DCDC1: variants seen among roughly 807,000 people sequenced by gnomAD.
The protein encoded by DCDC1 is doublecortin domain containing 1.
Under a neutral mutation model 178.3 loss-of-function variants are expected in DCDC1, and 200 were observed. The ratio of observed to expected loss-of-function variants is 1.12; its 90% confidence interval spans 1.00 to 1.26. DCDC1 has a LOEUF of 1.26. Among genes scored for constraint, DCDC1 ranks in the 50% most tolerant of loss-of-function variants. The probability of loss-of-function intolerance (pLI) is 0.00; values close to 1 mark genes in which losing one functional copy is unlikely to be tolerated. For missense variants in DCDC1, 1,983 were observed against 1,749.2 expected (o/e 1.13, Z -2.38); for synonymous variants, 690 against 604.8 (o/e 1.14, Z -2.07).
Position 30,881,317 on chromosome 11 carries a change from C to G in DCDC1, c.5083-9G>C. On this transcript the variant is annotated splice_polypyrimidine_tract_variant and intron_variant, in intron 36 of 38. Coordinates refer to ENST00000684477, the MANE Select transcript of DCDC1 (RefSeq NM_001387274.1). ...GAGCAGTCTTGCAGCAGCTGAGACA[C>G]AGAGGGACAGCCACATTTGAATACG... 6.2e-7 allele frequency: 1 copy of G among 1,612,150 alleles called. No homozygotes were observed. Among genetic ancestry groups the G allele is most frequent in the Non-Finnish European group, 8.5e-7 (1 of 1,179,088 alleles).
At chr11:31,359,046 A>T (rs1289816480) in intron 1 of DCDC1, among the ~76,000 whole-genome samples, 1 of 152,152 alleles carries the variant, frequency 6.6e-6, no homozygotes, top group African/African-American at 2.4e-5. Flanking sequence ...GGGATCTGGA[A>T]CTAGAAATAC....
At chr11:31,053,451 G>C (rs536038390) in intron 20 of DCDC1, among the ~76,000 whole-genome samples, 1 of 151,996 alleles carries the variant, frequency 6.6e-6, no homozygotes, top group Admixed American at 6.6e-5. Context: ...AAGATGGAGA[G>C]AGAAGGAACT....
intron 9 of DCDC1, among the ~76,000 whole-genome samples, chr11:31,185,135 C>T (rs1969319183): frequency 6.6e-6 from 1 of 152,224 alleles, no homozygotes; most frequent in Non-Finnish European, 1.5e-5. Context: ...TGGAAACCAT[C>T]ATTCTCAGCA....
intron 20 of DCDC1, among the ~76,000 whole-genome samples, chr11:31,038,514 G>A (rs1292817739): frequency 6.6e-6 from 1 of 152,114 alleles, no homozygotes; most frequent in East Asian, 1.9e-4. Context: ...AAAATAATTT[G>A]TGCTATGGAT....
chr11:31,275,564 G>T (rs376895829), intron 7 of DCDC1, among the ~76,000 whole-genome samples: 15 of 152,096 alleles, frequency 9.9e-5, no homozygotes, highest in African/African-American at 3.6e-4. Flanking sequence ...GAGTGCAATG[G>T]CTTGATCTCG....
chr11:31,125,691 T>A (rs1961505114), intron 11 of DCDC1, among the ~76,000 whole-genome samples: 2 of 152,062 alleles, frequency 1.3e-5, no homozygotes, highest in Admixed American at 1.3e-4. Context: ...AACCAAACAC[T>A]GTATATTCTC....
chr11:30,869,102 G>A (rs1941296103), intron 38 of DCDC1, among the ~76,000 whole-genome samples: 1 of 152,206 alleles, frequency 6.6e-6, no homozygotes, highest in African/African-American at 2.4e-5. Flanking sequence ...GGGTCTGTCT[G>A]GTCTCTGATG....
intron 9 of DCDC1, among the ~76,000 whole-genome samples, chr11:31,213,163 GCTTT>G (rs1972973205): frequency 1.4e-5 from 1 of 73,856 alleles, no homozygotes; most frequent in Non-Finnish European, 2.5e-5. Context: ...CTCTCTCTCT[GCTTT>G]CTTTACCAGG....
At chr11:31,211,225 C>T (rs541542091) in intron 9 of DCDC1, among the ~76,000 whole-genome samples, 38 of 152,256 alleles carry the variant, frequency 2.5e-4, no homozygotes, top group South Asian at 2.5e-3. Context: ...TTCAAACTAT[C>T]CTAACCATAA....
Position 30,947,968 on chromosome 11 carries a change from T to G in DCDC1, c.2715+4477A>C, listed in dbSNP as rs568855552. Among the ~76,000 whole-genome samples, 3 of 152,190 alleles carry G rather than the reference T, an allele frequency of 2.0e-5. No individual in the cohort carries two copies. In the East Asian group the frequency reaches 5.8e-4, roughly 29 times the overall value. Reference sequence around the variant, plus strand: ...AGACAAGTATGCCCTCTCTCACCACTCCTATTCAACATAGTATTGGAAGTG... The same window carrying G: ...AGACAAGTATGCCCTCTCTCACCACGCCTATTCAACATAGTATTGGAAGTG... On this transcript the variant is annotated intron_variant, in intron 21 of 38. Transcript: ENST00000684477.
rs756495547 is a variant in DCDC1, at chr11:30,920,906, C to A, written c.3163G>T (p.Val1055Leu). 1.2e-6 allele frequency: 2 copies of A among 1,612,456 alleles called. No homozygotes were observed. The highest frequency in any genetic ancestry group is 1.7e-6 in the Non-Finnish European group (2 of 1,179,170). Residue 1055 changes from valine (V) to leucine (L), a missense_variant, in exon 25 of 39, where the codon GTA (valine) becomes TTA (leucine). By Grantham distance (32) the Val-to-Leu change is conservative (BLOSUM62 1). Transcript: ENST00000684477. Reference protein sequence around the residue: ...ALVLEVQSDIVSGSKLAVHKP... With the variant: ...ALVLEVQSDILSGSKLAVHKP... ...TGCACAGCAAGCTTGCTTCCAGATA[C>A]AATGTCACTTTGGACTTCTAAAACA...
At chr11:30,965,742 C>T (rs1949394570) in intron 20 of DCDC1, among the ~76,000 whole-genome samples, 1 of 137,892 alleles carries the variant, frequency 7.3e-6, no homozygotes, top group South Asian at 2.5e-4. Context: ...CCAATGCTAT[C>T]CCTTCCCCCT....
At position 30,903,581 on chromosome 11, in the gene DCDC1, A is replaced by G. The variant is rs530429849; in HGVS notation, c.4411T>C (p.Trp1471Arg). ...TGGAGAAAGGATTCATCTAGAGCCC[A>G]TAAAACCAAATCACGCAAGGTAAAG... is the stretch of plus-strand genomic sequence containing the variant. ...PIFTLRDLVLWALDESFLQRD... is the reference protein window; with the variant it reads ...PIFTLRDLVLRALDESFLQRD... The change falls in exon 32 of 39, where the codon TGG (tryptophan) becomes CGG (arginine). Residue 1471 changes from tryptophan (W) to arginine (R), a missense_variant. Trp to Arg is a moderately radical substitution (Grantham distance 101). Coordinates refer to ENST00000684477, the MANE Select transcript of DCDC1 (RefSeq NM_001387274.1). The G allele has an allele frequency of 7.7e-5, 124 of 1,610,084 alleles. 2 individuals are homozygous for G. The South Asian group carries it at 1.1e-3, about 14-fold the overall frequency.
chr11:31,299,842 G>A (rs1015872610), intron 6 of DCDC1, among the ~76,000 whole-genome samples: 3 of 152,074 alleles, frequency 2.0e-5, no homozygotes, highest in Non-Finnish European at 4.4e-5. Flanking sequence ...ACATCTGTGG[G>A]ATGTAAACTT....
intron 8 of DCDC1, among the ~76,000 whole-genome samples, chr11:31,261,716 C>T (rs769114119): frequency 1.2e-4 from 18 of 152,116 alleles, no homozygotes; most frequent in African/African-American, 2.9e-4. Context: ...CAATCCCCCA[C>T]GGATACCAAG....
intron 20 of DCDC1, among the ~76,000 whole-genome samples, chr11:31,053,110 A>C (rs75746380): frequency 0.011 from 1,674 of 152,262 alleles, 28 homozygotes; most frequent in African/African-American, 0.038. Context: ...GAAAAGAGAG[A>C]GAATATCCAA....
rs182227028 is a variant in DCDC1 at position 31,140,153 on chromosome 11, T to C, written c.1222-2369A>G. Among the ~76,000 whole-genome samples the C allele has an allele frequency of 1.1e-3, 172 of 152,354 alleles. 1 individual carries two copies. Among genetic ancestry groups the C allele is most frequent in the African/African-American group, 3.8e-3 (160 of 41,592 alleles). ...CCTGTCACCTTTAATGAGAATATCC[T>C]GTTTCTTCATTAAAATAAAACTATA... On this transcript the variant is annotated intron_variant, in intron 9 of 38. Coordinates refer to ENST00000684477, the MANE Select transcript of DCDC1 (RefSeq NM_001387274.1).
Position 30,931,870 on chromosome 11 carries a change from T to C in DCDC1, c.2798A>G (p.Tyr933Cys), listed in dbSNP as rs1168951449. 6.2e-7 allele frequency: 1 copy of C among 1,613,198 alleles called. No individual in the cohort carries two copies. The highest frequency in any genetic ancestry group is 2.2e-5 in the East Asian group (1 of 44,844). ...KKPICKTTEP[Y>C]APVRLRVLQN... ...CAAAACTCTGAGTCGCACAGGGGCA[T>C]ATGGCTCTGTTGTCTTACAGATGGG... is the stretch of plus-strand genomic sequence containing the variant. The change falls in exon 22 of 39, where the codon TAT becomes TGT. Residue 933 changes from tyrosine (Y) to cysteine (C), a missense_variant. By Grantham distance (194) the Tyr-to-Cys change is radical. Transcript: ENST00000684477.
intron 8 of DCDC1, among the ~76,000 whole-genome samples, chr11:31,253,332 G>A (rs1052474454): frequency 1.3e-5 from 2 of 150,262 alleles, no homozygotes; most frequent in East Asian, 2.0e-4. Context: ...CAGTTCCATC[G>A]TAGATATTAG....
Sources: allele counts gnomAD v4.1 joint callset (sites outside exome capture counted in the v4.1 genomes callset), GRCh38; gene constraint gnomAD v4.1.1; transcripts MANE v1.5; gene names NCBI Gene and HGNC (gene_info 2026-07-23, HGNC 2026-07-21).